Variants in SORCS1 observed in about 807,000 individuals in gnomAD.
The protein encoded by SORCS1 is VPS10 domain-containing receptor SorCS1.
In SORCS1, 60 loss-of-function variants were observed where a neutral mutation model predicts 146.1. The observed-to-expected ratio is 0.41, with a 90% CI of 0.33 to 0.51. SORCS1 has a LOEUF of 0.51. Among genes scored for constraint, SORCS1 ranks in the 20% least tolerant of loss-of-function variants. The pLI is 0.21. For synonymous variants in SORCS1, 637 were observed against 584.0 expected (o/e 1.09, Z -1.31); for missense variants, 1,352 against 1,487.6 (o/e 0.91, Z 1.50).
intron 1 of SORCS1, among the ~76,000 whole-genome samples, chr10:106,999,578 C>G (rs1347724761): frequency 6.6e-6 from 1 of 152,206 alleles, no homozygotes; most frequent in Non-Finnish European, 1.5e-5. Flanking sequence ...CTCATCTCTT[C>G]ACTTTGTCAG....
intron 3 of SORCS1, among the ~76,000 whole-genome samples, chr10:106,821,316 G>A (rs1366674615): frequency 6.6e-6 from 1 of 151,952 alleles, no homozygotes; most frequent in Non-Finnish European, 1.5e-5. Context: ...ATTTTTTAAT[G>A]AAAAAAGCAT....
chr10:107,054,508 G>A (rs887217078), intron 1 of SORCS1, among the ~76,000 whole-genome samples: 5 of 152,238 alleles, frequency 3.3e-5, no homozygotes, highest in South Asian at 2.1e-4. Context: ...AGCTGGACAC[G>A]TTTGGTGGAC....
At chr10:106,614,723 G>A (rs568484626) in intron 21 of SORCS1, among the ~76,000 whole-genome samples, 111 of 152,222 alleles carry the variant, frequency 7.3e-4, no homozygotes, top group African/African-American at 2.5e-3. Context: ...AGCTCCCTCC[G>A]TAATTACTTA....
At chr10:106,942,546 T>A (rs997473332) in intron 2 of SORCS1, among the ~76,000 whole-genome samples, 3 of 152,208 alleles carry the variant, frequency 2.0e-5, no homozygotes, top group Non-Finnish European at 4.4e-5. Flanking sequence ...GTCTTCTCAG[T>A]GACTCTTCCA....
At chr10:106,665,761 G>A (rs1034066159) in intron 17 of SORCS1, among the ~76,000 whole-genome samples, 2 of 151,918 alleles carry the variant, frequency 1.3e-5, no homozygotes, top group East Asian at 1.9e-4. Flanking sequence ...ACCTATGATG[G>A]GTAACTTAAT....
At chr10:106,600,903 G>A (rs1274620979) in intron 23 of SORCS1, among the ~76,000 whole-genome samples, 1 of 152,172 alleles carries the variant, frequency 6.6e-6, no homozygotes, top group Non-Finnish European at 1.5e-5. Flanking sequence ...TTTATAAGAT[G>A]AGAAAATACA....
At chr10:106,932,385 C>A (rs1216704817) in intron 2 of SORCS1, among the ~76,000 whole-genome samples, 1 of 152,110 alleles carries the variant, frequency 6.6e-6, no homozygotes, top group Non-Finnish European at 1.5e-5. Context: ...CCTGAAGCAA[C>A]TCACAGCACT....
At chr10:106,679,132 A>T (rs1852247942) in intron 12 of SORCS1, 124 bp downstream of exon 12, 1 of 618,334 alleles carries the variant, frequency 1.6e-6, no homozygotes, top group South Asian at 2.5e-5. Context: ...AGGAAAAATA[A>T]ACATATTCAC....
chr10:106,741,945 C>T (rs1277294241), intron 5 of SORCS1, among the ~76,000 whole-genome samples: 4 of 152,190 alleles, frequency 2.6e-5, no homozygotes, highest in Admixed American at 2.0e-4. Flanking sequence ...CTTGTAGTCG[C>T]TTTTCCATAC....
intron 1 of SORCS1, among the ~76,000 whole-genome samples, chr10:107,118,291 C>G (rs1470723433): frequency 1.3e-5 from 2 of 152,154 alleles, no homozygotes; most frequent in African/African-American, 2.4e-5. Context: ...GACTTCCCAG[C>G]CTTCAAAACT....
chr10:106,662,186 G>A (rs1850780564), intron 17 of SORCS1, among the ~76,000 whole-genome samples: 1 of 152,162 alleles, frequency 6.6e-6, no homozygotes, highest in African/African-American at 2.4e-5. Context: ...GCATTTTATT[G>A]GGCACAATAA....
At chr10:106,888,491 T>C (rs1328286667) in intron 2 of SORCS1, among the ~76,000 whole-genome samples, 1 of 152,204 alleles carries the variant, frequency 6.6e-6, no homozygotes, top group Admixed American at 6.5e-5. Context: ...GCTAAGTACC[T>C]GGAAACCATA....
At chr10:106,964,487 ATTTTAT>A (rs1257892918) in intron 1 of SORCS1, among the ~76,000 whole-genome samples, 1 of 146,258 alleles carries the variant, frequency 6.8e-6, no homozygotes, top group Non-Finnish European at 1.5e-5. Flanking sequence ...ATTTTATTTT[ATTTTAT>A]TTTAACTTTT....
chr10:106,807,892 C>T (rs1589441121), intron 3 of SORCS1, among the ~76,000 whole-genome samples: 1 of 152,274 alleles, frequency 6.6e-6, no homozygotes, highest in South Asian at 2.1e-4. Context: ...TTCTTTACAT[C>T]TTCCCATTTG....
intron 2 of SORCS1, among the ~76,000 whole-genome samples, chr10:106,894,088 G>A (rs541645179): frequency 6.6e-6 from 1 of 152,288 alleles, no homozygotes; most frequent in African/African-American, 2.4e-5. Flanking sequence ...TCTCCCAGAG[G>A]GGTGGGTGGA....
At chr10:106,989,765 C>A (rs1314831791) in intron 1 of SORCS1, among the ~76,000 whole-genome samples, 14 of 146,668 alleles carry the variant, frequency 9.5e-5, no homozygotes, top group Non-Finnish European at 1.5e-4. Context: ...CGGTTCACTG[C>A]AAGCTCCACC....
intron 17 of SORCS1, among the ~76,000 whole-genome samples, chr10:106,658,821 T>C (rs1850501204): frequency 6.6e-6 from 1 of 152,170 alleles, no homozygotes; most frequent in Non-Finnish European, 1.5e-5. Flanking sequence ...AGAGAGAGAT[T>C]CTTCTACCCC....
At chr10:106,653,153 T>C (rs821964) in intron 17 of SORCS1, among the ~76,000 whole-genome samples, 91,833 of 152,118 alleles carry the variant, frequency 0.6, 32,584 homozygotes, top group Non-Finnish European at 0.8. Context: ...TTTTTGCAGA[T>C]TGATGCTCTT....
chr10:106,707,608 TCC>T (rs997568022), intron 7 of SORCS1, among the ~76,000 whole-genome samples: 4 of 152,130 alleles, frequency 2.6e-5, no homozygotes, highest in African/African-American at 9.7e-5. Flanking sequence ...CAAGTGATCC[TCC>T]CCAGGAGCTG....
Sources: gnomAD v4.1 joint callset for allele counts (sites outside exome capture counted in the v4.1 genomes callset) on GRCh38, gnomAD v4.1.1 for gene constraint, MANE v1.5 for transcripts, NCBI Gene and HGNC (gene_info 2026-07-23, HGNC 2026-07-21) for gene names.